Variants in GPC5 observed in about 807,000 individuals in gnomAD.
The protein encoded by GPC5 is glypican 5, also known as glypican-5.
In GPC5, 47 loss-of-function variants were observed where a neutral mutation model predicts 53.9. That is an observed-to-expected ratio of 0.87 (90% confidence interval 0.69 to 1.11). The LOEUF is 1.11. Among genes scored for constraint, GPC5 ranks in the 50% most tolerant of loss-of-function variants. The pLI is 0.00. For missense variants in GPC5, 748 were observed against 713.1 expected (o/e 1.05, Z -0.56); for synonymous variants, 286 against 263.3 (o/e 1.09, Z -0.84).
In GPC5 at chr13:92,015,102, A is replaced by G. The variant is rs117291280; in HGVS notation, c.1401+107045A>G. ...TGGTAAAAACTGTGCCCCACAAGCA[A>G]ATACTTTTCAAAGTCTAGAGACATT... On this transcript the variant is annotated intron_variant, in intron 6 of 7. Transcript: ENST00000377067. 2.8e-4 allele frequency among the ~76,000 whole-genome samples: 43 copies of G among 152,260 alleles called. No individual in the cohort carries two copies. In the East Asian group the frequency reaches 6.6e-3, roughly 23 times the overall value.
intron 7 of GPC5, among the ~76,000 whole-genome samples, chr13:92,740,960 G>GTGTA (rs35795926): frequency 0.1 from 12,128 of 117,706 alleles, 1,668 homozygotes; most frequent in East Asian, 0.43. Flanking sequence ...ATATGTATGT[G>GTGTA]TATATATATA....
At chr13:92,781,466 T>C (rs1876021332) in intron 7 of GPC5, among the ~76,000 whole-genome samples, 1 of 152,082 alleles carries the variant, frequency 6.6e-6, no homozygotes. Flanking sequence ...ACTTAGAAAA[T>C]AGTATAATTT....
At chr13:91,513,674 G>C (rs1420748266) in intron 2 of GPC5, among the ~76,000 whole-genome samples, 1 of 152,150 alleles carries the variant, frequency 6.6e-6, no homozygotes, top group Non-Finnish European at 1.5e-5. Flanking sequence ...CCCGGAGGTA[G>C]AGGTTGCAGT....
chr13:92,072,971 T>G (rs928087371), intron 6 of GPC5, among the ~76,000 whole-genome samples: 1 of 152,186 alleles, frequency 6.6e-6, no homozygotes, highest in African/African-American at 2.4e-5. Flanking sequence ...TAATAAAATT[T>G]AAGGCAAAAT....
chr13:91,674,479 A>ATG (rs2035326543), intron 2 of GPC5, among the ~76,000 whole-genome samples: 1 of 150,370 alleles, frequency 6.7e-6, no homozygotes, highest in Non-Finnish European at 1.5e-5. Context: ...ATACACACAC[A>ATG]CGCGCATGTG....
At chr13:91,803,012 G>C (rs556949567) in intron 5 of GPC5, among the ~76,000 whole-genome samples, 3 of 152,008 alleles carry the variant, frequency 2.0e-5, no homozygotes, top group Non-Finnish European at 1.5e-5. Context: ...GGTGTTTTTT[G>C]CTTCTTTCTT....
intron 7 of GPC5, among the ~76,000 whole-genome samples, chr13:92,595,106 C>T (rs1424235652): frequency 6.6e-6 from 1 of 152,130 alleles, no homozygotes; most frequent in African/African-American, 2.4e-5. Flanking sequence ...GATCCAGATG[C>T]TTTACCATAT....
At chr13:92,346,324 T>C (rs553718638) in intron 7 of GPC5, among the ~76,000 whole-genome samples, 9 of 152,250 alleles carry the variant, frequency 5.9e-5, no homozygotes, top group Admixed American at 3.3e-4. Context: ...GGCCAGGAAA[T>C]ACATCTGCTT....
intron 6 of GPC5, among the ~76,000 whole-genome samples, chr13:91,969,254 AC>A (rs1196418098): frequency 6.6e-6 from 1 of 152,210 alleles, no homozygotes; most frequent in Non-Finnish European, 1.5e-5. Context: ...GGTGTGAGCC[AC>A]CATGCCTGAC....
At chr13:92,384,992 C>T (rs571628353) in intron 7 of GPC5, among the ~76,000 whole-genome samples, 6 of 152,146 alleles carry the variant, frequency 3.9e-5, no homozygotes, top group East Asian at 1.9e-4. Flanking sequence ...AATGTAAAGA[C>T]GTAATGACTT....
At position 91,949,047 on chromosome 13, in the gene GPC5, T is replaced by C. The variant is rs76173375; in HGVS notation, c.1401+40990T>C. On this transcript the variant is annotated intron_variant, in intron 6 of 7. Transcript: ENST00000377067. Reference sequence around the variant, plus strand: ...GATGATTACCAGGTAGTCGTTACTATCTTCTCTCCTTGATACTCATACATA... The same window carrying C: ...GATGATTACCAGGTAGTCGTTACTACCTTCTCTCCTTGATACTCATACATA... 2.6e-3 allele frequency among the ~76,000 whole-genome samples: 400 copies of C among 152,298 alleles called. 2 individuals are homozygous for C. Among genetic ancestry groups the C allele is most frequent in the African/African-American group, 9.2e-3 (383 of 41,566 alleles).
intron 7 of GPC5, among the ~76,000 whole-genome samples, chr13:92,601,072 A>G (rs1323824895): frequency 1.3e-5 from 2 of 152,280 alleles, no homozygotes; most frequent in East Asian, 3.9e-4. Flanking sequence ...GAAATCAGTA[A>G]TTTAGTTATA....
intron 7 of GPC5, chr13:92,701,353 C>T (rs1887733009): frequency 6.6e-6 from 1 of 152,026 alleles, no homozygotes; most frequent in Admixed American, 6.6e-5. Context: ...TTTTGGCTCT[C>T]AATGTGTGGA....
chr13:92,773,679 A>G (rs1181495076), intron 7 of GPC5, among the ~76,000 whole-genome samples: 3 of 152,172 alleles, frequency 2.0e-5, no homozygotes, highest in Non-Finnish European at 4.4e-5. Context: ...TGTACTAACT[A>G]GTTTTCTTGC....
At chr13:92,467,574 T>C (rs1878746563) in intron 7 of GPC5, among the ~76,000 whole-genome samples, 1 of 152,060 alleles carries the variant, frequency 6.6e-6, no homozygotes, top group Admixed American at 6.6e-5. Context: ...AAGAAATATA[T>C]GATGTAGGTA....
chr13:92,431,176 T>G (rs143093745), intron 7 of GPC5, among the ~76,000 whole-genome samples: 30 of 152,272 alleles, frequency 2.0e-4, no homozygotes, highest in African/African-American at 6.5e-4. Flanking sequence ...ACTTCCTATG[T>G]GCAGACATAT....
intron 2 of GPC5, among the ~76,000 whole-genome samples, chr13:91,467,944 A>G (rs659897): frequency 0.5 from 76,017 of 151,984 alleles, 20,206 homozygotes; most frequent in Non-Finnish European, 0.6. Context: ...GGCCAGGTTT[A>G]CTGCAGTTAT....
At chr13:92,271,459 T>A (rs1255218225) in intron 7 of GPC5, among the ~76,000 whole-genome samples, 1 of 152,206 alleles carries the variant, frequency 6.6e-6, no homozygotes, top group African/African-American at 2.4e-5. Flanking sequence ...TTTTACAACT[T>A]ATTATATATT....
At chr13:91,425,704 A>C (rs533315070) in intron 1 of GPC5, among the ~76,000 whole-genome samples, 1 of 152,212 alleles carries the variant, frequency 6.6e-6, no homozygotes, top group African/African-American at 2.4e-5. Flanking sequence ...AAATTGATGA[A>C]TACAATAAAT....
Sources: gnomAD v4.1 joint callset for allele counts (sites outside exome capture counted in the v4.1 genomes callset) on GRCh38, gnomAD v4.1.1 for gene constraint, MANE v1.5 for transcripts, NCBI Gene and HGNC (gene_info 2026-07-23, HGNC 2026-07-21) for gene names.